The following GANC variants were observed in gnomAD, a reference collection of about 807,000 sequenced individuals.
GANC encodes neutral alpha-glucosidase C.
A neutral mutation model predicts 124.2 loss-of-function variants in GANC; 117 were observed. The ratio of observed to expected loss-of-function variants is 0.94; its 90% CI spans 0.81 to 1.10. GANC has a LOEUF of 1.10. GANC is among the 50% of genes least tolerant of loss of function. The pLI is 0.00. For synonymous variants in GANC, 377 were observed against 376.8 expected, an observed-to-expected ratio of 1.00 and a Z score of -0.01; for missense variants, 1,140 against 1,095.0, an observed-to-expected ratio of 1.04 and a Z score of -0.58.
chr15:42,297,714 C>T, intron 6 of GANC, 58 bp downstream of exon 6: 2 of 1,241,674 alleles, frequency 1.6e-6, no homozygotes, highest in Non-Finnish European at 1.2e-6. Flanking sequence ...CATGATAGGG[C>T]ATATAAGGAA....
At chr15:42,334,350 C>T (rs2052268307) in intron 15 of GANC, among the ~76,000 whole-genome samples, 1 of 152,028 alleles carries the variant, frequency 6.6e-6, no homozygotes, top group Non-Finnish European at 1.5e-5. Context: ...TTAGTAGAGA[C>T]AGGGTTTCAC....
At chr15:42,279,874 G>A (rs896642305) in intron 3 of GANC, among the ~76,000 whole-genome samples, 2 of 152,146 alleles carry the variant, frequency 1.3e-5, no homozygotes, top group Non-Finnish European at 2.9e-5. Flanking sequence ...GCCCTGCAGC[G>A]CTGTACTGAT....
intron 11 of GANC, 88 bp from the exon 12 acceptor site, chr15:42,326,210 T>C: frequency 1.1e-6 from 1 of 873,334 alleles, no homozygotes; most frequent in South Asian, 1.7e-5. Flanking sequence ...TTGTAAAAAT[T>C]GAACCCCCAA....
chr15:42,345,971 A>G (rs1369580104), intron 20 of GANC, 139 bp downstream of exon 20: 1 of 630,130 alleles, frequency 1.6e-6, no homozygotes. Flanking sequence ...TGGAAGTTCC[A>G]GATCAAGGTG....
chr15:42,277,625 G>A (rs531941664), intron 2 of GANC, among the ~76,000 whole-genome samples: 2 of 151,510 alleles, frequency 1.3e-5, no homozygotes, highest in African/African-American at 4.8e-5. Context: ...TTTTGAGACG[G>A]AGTCTCCCTC....
chr15:42,318,729 CA>C (rs2052130523), intron 10 of GANC, among the ~76,000 whole-genome samples: 1 of 152,108 alleles, frequency 6.6e-6, no homozygotes. Flanking sequence ...TGGGACTTAA[CA>C]GGCATGTGCC....
chr15:42,337,906 C>CA (rs1358513151), intron 15 of GANC, among the ~76,000 whole-genome samples: 2 of 152,018 alleles, frequency 1.3e-5, no homozygotes, highest in African/African-American at 4.8e-5. Context: ...GCTAAAAATA[C>CA]AAAATTTAGC....
intron 15 of GANC, among the ~76,000 whole-genome samples, chr15:42,334,651 C>T (rs2052270400): frequency 6.6e-6 from 1 of 151,578 alleles, no homozygotes; most frequent in African/African-American, 2.4e-5. Context: ...TTGAAATATA[C>T]ATATACAGAT....
chr15:42,335,431 A>C (rs115640209), intron 15 of GANC, among the ~76,000 whole-genome samples: 2,174 of 152,180 alleles, frequency 0.014, 50 homozygotes, highest in African/African-American at 0.05. Flanking sequence ...CTTGTTAAAA[A>C]CTCTCAGCAA....
At chr15:42,289,502 ATGT>A (rs1367689975) in intron 4 of GANC, among the ~76,000 whole-genome samples, 2 of 152,190 alleles carry the variant, frequency 1.3e-5, no homozygotes, top group African/African-American at 4.8e-5. Context: ...CCTTCCCGTG[ATGT>A]TGTAAGCAAC....
Position 42,329,399 on chromosome 15 carries a change from C to T in GANC, c.1594C>T (p.His532Tyr). 6.2e-7 allele frequency: 1 copy of T among 1,613,758 alleles called. No homozygotes were observed. The highest frequency in any genetic ancestry group is 8.5e-7 in the Non-Finnish European group (1 of 1,179,734). Residue 532 changes from histidine to tyrosine, a missense_variant, in exon 14 of 24, where the codon CAT becomes TAT. Transcript: ENST00000318010. ...AACCATGCAGAAGAATGCCATTCAT[C>T]ATGGCAATTGGGAGCACAGAGAGCT... The part of the protein sequence containing the change: ...EQTMQKNAIH[H>Y]GNWEHRELHN...
At chr15:42,299,068 T>C (rs2051919602) in intron 6 of GANC, among the ~76,000 whole-genome samples, 1 of 152,252 alleles carries the variant, frequency 6.6e-6, no homozygotes, top group Non-Finnish European at 1.5e-5. Flanking sequence ...TCCTCTTGCC[T>C]GATTGCCTTG....
At position 42,351,355 on chromosome 15, in the gene GANC, C is replaced by T. The variant is rs1479951253; in HGVS notation, c.2558C>T (p.Pro853Leu). The change falls in exon 23 of 24, where the codon CCC (proline) becomes CTC (leucine). Residue 853 changes from proline to leucine, a missense_variant. By Grantham distance (98) the Pro-to-Leu change is moderately conservative. Transcript: ENST00000318010. ...TTTGCTGACCAGAGGGGTCATTATC[C>T]CAGCAAGTGTGTGGTGGAGAAGATC... ...NSFADQRGHY[P>L]SKCVVEKILV... The T allele has an allele frequency of 6.2e-7, 1 of 1,613,928 alleles. No individual in the cohort carries two copies. The highest frequency in any genetic ancestry group is 8.5e-7 in the Non-Finnish European group (1 of 1,179,894).
intron 6 of GANC, among the ~76,000 whole-genome samples, chr15:42,302,106 C>T (rs143230036): frequency 1.2e-3 from 176 of 152,266 alleles, no homozygotes; most frequent in Admixed American, 3.1e-3. Context: ...AGGAGAGCTC[C>T]GGCTGGCATC....
chr15:42,340,613 A>C (rs2052322138), intron 17 of GANC, 77 bp from the exon 18 acceptor site: 2 of 1,237,436 alleles, frequency 1.6e-6, no homozygotes, highest in Non-Finnish European at 2.3e-6. Context: ...AAAAAAAAAA[A>C]AAAACTAAAA....
At chr15:42,342,506 C>A (rs937374931) in intron 18 of GANC, among the ~76,000 whole-genome samples, 4 of 151,968 alleles carry the variant, frequency 2.6e-5, no homozygotes, top group African/African-American at 9.7e-5. Flanking sequence ...TACATGAGCC[C>A]AGGAGTTAGA....
intron 2 of GANC, 53 bp downstream of exon 2, chr15:42,276,463 A>G (rs2051672915): frequency 2.4e-6 from 2 of 830,492 alleles, no homozygotes; most frequent in Admixed American, 2.3e-5. Flanking sequence ...CAGTATTTCA[A>G]AATTGATGCT....
intron 21 of GANC, 55 bp from the exon 22 acceptor site, chr15:42,349,327 CT>C: frequency 4.5e-6 from 5 of 1,104,306 alleles, no homozygotes; most frequent in Non-Finnish European, 5.5e-6. Flanking sequence ...AGCTGACATT[CT>C]TTTCCTGTAA....
chr15:42,344,177 C>T (rs894763711), intron 19 of GANC, among the ~76,000 whole-genome samples: 1 of 152,210 alleles, frequency 6.6e-6, no homozygotes, highest in African/African-American at 2.4e-5. Context: ...AACAAATTAC[C>T]TCAAACCTAG....
Sources: gnomAD v4.1 joint callset for allele counts (sites outside exome capture counted in the v4.1 genomes callset) on GRCh38, gnomAD v4.1.1 for gene constraint, MANE v1.5 for transcripts, NCBI Gene and HGNC (gene_info 2026-07-23, HGNC 2026-07-21) for gene names.